The following FMNL3 variants were observed in gnomAD, a reference collection of about 807,000 sequenced individuals.
FMNL3 encodes the protein formin like 3, also known as formin-like protein 3.
FMNL3 carries 57 observed loss-of-function variants against 119.6 expected under a neutral mutation model. The ratio of observed to expected loss-of-function variants is 0.48; its 90% CI spans 0.39 to 0.59. The LOEUF (loss-of-function observed/expected upper bound fraction) is 0.59. Among genes scored for constraint, FMNL3 ranks in the 20% least tolerant of loss-of-function variants. The pLI is 0.00. For missense variants in FMNL3, 1,053 were observed against 1,323.5 expected (o/e 0.80, Z 3.17); for synonymous variants, 491 against 507.3 (o/e 0.97, Z 0.43).
At chr12:49,700,471 T>C (rs571080854) in intron 1 of FMNL3, among the ~76,000 whole-genome samples, 1 of 150,790 alleles carries the variant, frequency 6.6e-6, no homozygotes, top group East Asian at 2.0e-4. Flanking sequence ...TCCCAAAACT[T>C]TGGGAGGCCG....
intron 1 of FMNL3, among the ~76,000 whole-genome samples, chr12:49,674,785 C>A (rs1944139304): frequency 6.6e-6 from 1 of 152,148 alleles, no homozygotes; most frequent in Non-Finnish European, 1.5e-5. Context: ...CTTTTGTGGT[C>A]ACTGAGGACT....
In FMNL3 at chr12:49,643,070, T is replaced by C. The variant is rs1205129073; in HGVS notation, c.*2745A>G. ...GTGAAGCTGGGTTGTTTTGGGGAAA[T>C]AAACACTTTGTTTTCCCCTTACAAT... is the stretch of plus-strand genomic sequence containing the variant. On this transcript the variant is annotated 3_prime_UTR_variant, in exon 26 of 26. Coordinates refer to ENST00000335154, the MANE Select transcript of FMNL3 (RefSeq NM_175736.5). 3.1e-6 allele frequency: 5 copies of C among 1,598,718 alleles called. No homozygotes were observed. The highest frequency in any genetic ancestry group is 4.3e-6 in the Non-Finnish European group (5 of 1,167,398).
chr12:49,683,225 C>T (rs112937335), intron 1 of FMNL3, among the ~76,000 whole-genome samples: 65 of 152,308 alleles, frequency 4.3e-4, no homozygotes, highest in Non-Finnish European at 8.7e-4. Flanking sequence ...GCATAGATGA[C>T]TCTCAAATAT....
At chr12:49,651,110 A>G in intron 16 of FMNL3, 58 bp downstream of exon 16, 1 of 1,592,014 alleles carries the variant, frequency 6.3e-7, no homozygotes, top group Non-Finnish European at 8.6e-7. Flanking sequence ...AATCTCCTCA[A>G]AAGGCAACCA....
chr12:49,654,450 A>G, intron 10 of FMNL3, 148 bp from the exon 11 acceptor site: 2 of 604,792 alleles, frequency 3.3e-6, no homozygotes, highest in South Asian at 2.1e-5. Flanking sequence ...GGGGGCAATA[A>G]GAGTATTTTA....
In FMNL3 at chr12:49,649,677, G is replaced by A. The variant is rs761908796; in HGVS notation, c.2235+14C>T. ...GACAGCTGTCCAGAGCCATGAGTTG[G>A]GTGGGGGCTGTACCGGTGTGAGCAT... On this transcript the variant is annotated intron_variant, in intron 18 of 25. Transcript: ENST00000335154. The surrounding 1 kb of genome is among the most constrained non-coding windows in gnomAD (Gnocchi z 5.6). The A allele has an allele frequency of 1.9e-6, 3 of 1,613,684 alleles. No homozygotes were observed. Among genetic ancestry groups the A allele is most frequent in the Non-Finnish European group, 2.5e-6 (3 of 1,179,766 alleles).
intron 21 of FMNL3, among the ~76,000 whole-genome samples, chr12:49,648,669 A>T (rs1943292730): frequency 6.6e-6 from 1 of 152,196 alleles, no homozygotes; most frequent in Non-Finnish European, 1.5e-5. Context: ...CAGCTACCTC[A>T]TGTCTATAGA....
intron 1 of FMNL3, among the ~76,000 whole-genome samples, chr12:49,691,180 A>G (rs1004194578): frequency 6.6e-6 from 1 of 152,258 alleles, no homozygotes; most frequent in Non-Finnish European, 1.5e-5. Flanking sequence ...TAAAATGGAG[A>G]TAACAAGTAC....
chr12:49,680,742 G>C (rs375970887), intron 1 of FMNL3, among the ~76,000 whole-genome samples: 2 of 152,162 alleles, frequency 1.3e-5, no homozygotes, highest in African/African-American at 4.8e-5. Flanking sequence ...CAAGAACACG[G>C]ATGAAAAACA....
At chr12:49,665,189 T>C (rs1943855631) in intron 4 of FMNL3, among the ~76,000 whole-genome samples, 1 of 151,882 alleles carries the variant, frequency 6.6e-6, no homozygotes, top group Non-Finnish European at 1.5e-5. Flanking sequence ...ATTAGCTCTT[T>C]GCTTGTTCAG....
chr12:49,670,157 C>G (rs1453766464), intron 1 of FMNL3, among the ~76,000 whole-genome samples: 1 of 152,228 alleles, frequency 6.6e-6, no homozygotes, highest in Non-Finnish European at 1.5e-5. Context: ...TCTTGGCATC[C>G]TCATCCCTGG....
chr12:49,656,915 CAGA>C lies in FMNL3; in HGVS notation c.715-19_715-17del, dbSNP rs1943587884. ...TGAATCCGTACTGCAAGGGAAAGGA[CAGA>C]AGGAGGGGACCTTGATGGTGGGGAA... On this transcript the variant is annotated splice_polypyrimidine_tract_variant and intron_variant, in intron 7 of 25. Transcript: ENST00000335154. The C allele has an allele frequency of 6.2e-7, 1 of 1,611,040 alleles. No homozygotes were observed.
Position 49,641,727 on chromosome 12 carries a change from T to G in FMNL3, c.*4088A>C. 1 of 591,026 alleles carries G rather than the reference T, an allele frequency of 1.7e-6. No homozygotes were observed. The highest frequency in any genetic ancestry group is 3.0e-6 in the Non-Finnish European group (1 of 331,862). The allele number at this position is 591,026 out of a possible 1,614,324, so 36.6% of individuals were successfully genotyped here. ...GTGACATCCAAACCAAGGGTAGGCATGGGGGCTTAATTGTCAAGTGATGAG... is the reference window on the plus strand; with the variant it reads ...GTGACATCCAAACCAAGGGTAGGCAGGGGGGCTTAATTGTCAAGTGATGAG... On this transcript the variant is annotated 3_prime_UTR_variant, in exon 26 of 26. Coordinates refer to ENST00000335154, the MANE Select transcript of FMNL3 (RefSeq NM_175736.5).
At chr12:49,700,940 G>A (rs1286428414) in intron 1 of FMNL3, among the ~76,000 whole-genome samples, 1 of 150,916 alleles carries the variant, frequency 6.6e-6, no homozygotes, top group Non-Finnish European at 1.5e-5. Flanking sequence ...TTAGCCAGGC[G>A]TGGTGGTGGG....
intron 4 of FMNL3, among the ~76,000 whole-genome samples, chr12:49,664,391 C>A (rs891886522): frequency 1.3e-5 from 2 of 152,134 alleles, no homozygotes; most frequent in African/African-American, 4.8e-5. Context: ...GGCAACAGAG[C>A]AAGACCCTGT....
At chr12:49,653,987 C>T in intron 11 of FMNL3, 113 bp from the exon 12 acceptor site, 2 of 1,419,632 alleles carry the variant, frequency 1.4e-6, no homozygotes, top group Non-Finnish European at 1.9e-6. Context: ...CCAAAGAGTT[C>T]CTGCTGCAGG....
rs1943573815 is a variant in FMNL3, at chr12:49,656,511, A to T, written c.792-14T>A. On this transcript the variant is annotated splice_polypyrimidine_tract_variant and intron_variant, in intron 8 of 25. Transcript: ENST00000335154. The stretch of plus-strand genomic sequence containing the variant: ...AGGGCTTTGGTCCTAAGGGGTGAAG[A>T]AGGAAGATTAACACCCTAACTCCCC... 6.2e-7 allele frequency: 1 copy of T among 1,609,672 alleles called. No individual in the cohort carries two copies. Among genetic ancestry groups the T allele is most frequent in the Admixed American group, 1.7e-5 (1 of 59,436 alleles).
At chr12:49,672,442 A>C (rs965769483) in intron 1 of FMNL3, among the ~76,000 whole-genome samples, 10 of 152,242 alleles carry the variant, frequency 6.6e-5, no homozygotes, top group Non-Finnish European at 5.9e-5. Context: ...GGAACCAGCA[A>C]AACATCTAAT....
At chr12:49,683,890 T>C (rs1944395912) in intron 1 of FMNL3, among the ~76,000 whole-genome samples, 1 of 152,174 alleles carries the variant, frequency 6.6e-6, no homozygotes, top group Non-Finnish European at 1.5e-5. Flanking sequence ...ATGCCTCTGC[T>C]CATGCTGTCC....
Sources: allele counts gnomAD v4.1 joint callset (sites outside exome capture counted in the v4.1 genomes callset), GRCh38; gene constraint gnomAD v4.1.1; non-coding constraint Gnocchi (gnomAD v3.1); transcripts MANE v1.5; gene names NCBI Gene and HGNC (gene_info 2026-07-23, HGNC 2026-07-21).